VGLL4: variants seen among roughly 807,000 people sequenced by gnomAD.
VGLL4 encodes the protein vestigial like family member 4.
A neutral mutation model predicts 21.0 loss-of-function variants in VGLL4; 7 were observed. The observed-to-expected ratio is 0.33, with a 90% CI of 0.19 to 0.63. The LOEUF is 0.63. VGLL4 is among the 20% of genes least tolerant of loss of function. VGLL4 has a pLI of 0.78. For missense variants in VGLL4, 394 were observed against 425.7 expected (o/e 0.93, Z 0.66); for synonymous variants, 222 against 173.2 (o/e 1.28, Z -2.21).
chr3:11,684,621 T>C (rs1383188030), intron 2 of VGLL4, among the ~76,000 whole-genome samples: 2 of 152,212 alleles, frequency 1.3e-5, no homozygotes, highest in South Asian at 4.1e-4. Flanking sequence ...GCTCAAGCTA[T>C]TGGACCACCT....
At chr3:11,567,992 A>G (rs79266989) in intron 2 of VGLL4, among the ~76,000 whole-genome samples, 2,772 of 152,214 alleles carry the variant, frequency 0.018, 84 homozygotes, top group African/African-American at 0.063. Context: ...TGTTTACTCA[A>G]CCAGCGCTAG....
At chr3:11,649,564 A>T (rs751951450) in intron 2 of VGLL4, among the ~76,000 whole-genome samples, 5 of 152,262 alleles carry the variant, frequency 3.3e-5, no homozygotes, top group Admixed American at 6.5e-5. Flanking sequence ...GGATATGTAT[A>T]TCTTATTATA....
intron 2 of VGLL4, among the ~76,000 whole-genome samples, chr3:11,674,385 G>A (rs934964790): frequency 1.3e-5 from 2 of 152,188 alleles, no homozygotes; most frequent in African/African-American, 2.4e-5. Context: ...AGAGAGCCAA[G>A]ACACAATCCC....
chr3:11,714,568 AC>A (rs2076893345), intron 1 of VGLL4, among the ~76,000 whole-genome samples: 1 of 147,456 alleles, frequency 6.8e-6, no homozygotes, highest in African/African-American at 2.6e-5. Flanking sequence ...AAATAAAAAT[AC>A]AAAAAAAAAA....
intron 2 of VGLL4, among the ~76,000 whole-genome samples, chr3:11,599,078 C>A (rs535195222): frequency 7.9e-5 from 12 of 152,136 alleles, no homozygotes; most frequent in Non-Finnish European, 1.5e-4. Flanking sequence ...TACCCTACAA[C>A]ACGAAGAAGT....
upstream of VGLL4, among the ~76,000 whole-genome samples, chr3:11,720,927 C>T (rs376535115): frequency 2.2e-4 from 34 of 152,336 alleles, no homozygotes; most frequent in East Asian, 3.1e-3. Context: ...ACCCGCCCCC[C>T]GCCATCCCCA....
At position 11,562,583 on chromosome 3, in the gene VGLL4, G is replaced by A. The variant is rs146110388; in HGVS notation, c.495+2214C>T. On this transcript the variant is annotated intron_variant, in intron 3 of 4. Coordinates refer to ENST00000430365, the MANE Select transcript of VGLL4 (RefSeq NM_001128219.3). ...TCGGAGCTGCTGGAGCACAGGCAACGTGGCTGCTTGGTGTCCTCAGCAGGG... is the reference window on the plus strand; with the variant it reads ...TCGGAGCTGCTGGAGCACAGGCAACATGGCTGCTTGGTGTCCTCAGCAGGG... Among the ~76,000 whole-genome samples, 6 of 152,360 alleles carry A rather than the reference G, an allele frequency of 3.9e-5. No homozygotes were observed. The East Asian group carries it at 7.7e-4, about 20-fold the overall frequency.
chr3:11,562,340 T>C (rs913692769), intron 3 of VGLL4, among the ~76,000 whole-genome samples: 1 of 152,134 alleles, frequency 6.6e-6, no homozygotes, highest in Non-Finnish European at 1.5e-5. Flanking sequence ...TACATGCCCC[T>C]CTGGGAACTT....
chr3:11,631,746 C>CTA (rs1332064853), intron 1 of VGLL4, among the ~76,000 whole-genome samples: 1 of 152,124 alleles, frequency 6.6e-6, no homozygotes, highest in African/African-American at 2.4e-5. Context: ...ATTTACAAAG[C>CTA]TATACCCTTA....
At chr3:11,687,994 C>T (rs889767286) in intron 2 of VGLL4, among the ~76,000 whole-genome samples, 6 of 152,026 alleles carry the variant, frequency 3.9e-5, no homozygotes, top group African/African-American at 1.4e-4. Flanking sequence ...GTTTTTATCA[C>T]AAATAGGTGC....
At position 11,556,639 on chromosome 3, in the gene VGLL4, A is replaced by C. The variant is rs563302500; in HGVS notation, c.*1917T>G. 10 of 152,780 alleles carry C rather than the reference A, an allele frequency of 6.5e-5. No homozygotes were observed. In the East Asian group the frequency reaches 1.9e-3, roughly 29 times the overall value. The allele number at this position is 152,780 out of a possible 1,614,324, so 9.5% of individuals were successfully genotyped here. ...CTTTTTTTTTCCGAACAACAAAAAAAATGAATGATTACAATAGGAAAGGGA... is the reference window on the plus strand; with the variant it reads ...CTTTTTTTTTCCGAACAACAAAAAACATGAATGATTACAATAGGAAAGGGA... On this transcript the variant is annotated 3_prime_UTR_variant, in exon 5 of 5. Transcript: ENST00000430365.
At chr3:11,675,196 G>C (rs2125373180) in intron 2 of VGLL4, among the ~76,000 whole-genome samples, 1 of 152,146 alleles carries the variant, frequency 6.6e-6, no homozygotes, top group Admixed American at 6.5e-5. Flanking sequence ...ACAAAAATTA[G>C]CCAGTCGTAG....
chr3:11,665,526 C>G (rs931973780), intron 2 of VGLL4, among the ~76,000 whole-genome samples: 4 of 152,218 alleles, frequency 2.6e-5, no homozygotes, highest in African/African-American at 9.6e-5. Context: ...CAGCCTGAGG[C>G]TGAGTGACTC....
In VGLL4 at chr3:11,676,457, T is replaced by C. The variant is rs1489168971; in HGVS notation, c.64+26514A>G. Reference sequence around the variant, plus strand: ...AATAATAATAATTTTACAACACCTATAGGCTATTGATCTGAGTTAATAATT... The same window carrying C: ...AATAATAATAATTTTACAACACCTACAGGCTATTGATCTGAGTTAATAATT... On this transcript the variant is annotated intron_variant, in intron 2 of 5. Transcript: ENST00000273038. Among the ~76,000 whole-genome samples, 3 of 150,874 alleles carry C rather than the reference T, an allele frequency of 2.0e-5. No homozygotes were observed. In the East Asian group the frequency reaches 5.8e-4, roughly 29 times the overall value.
chr3:11,596,947 G>A (rs956502493), intron 2 of VGLL4, among the ~76,000 whole-genome samples: 1 of 152,104 alleles, frequency 6.6e-6, no homozygotes, highest in Non-Finnish European at 1.5e-5. Context: ...GGAGTCCCCT[G>A]GAAAAACGGC....
intron 1 of VGLL4, among the ~76,000 whole-genome samples, chr3:11,626,040 G>T (rs1414996443): frequency 6.6e-6 from 1 of 152,156 alleles, no homozygotes; most frequent in Non-Finnish European, 1.5e-5. Flanking sequence ...GAATGGCATG[G>T]TGTACGAATT....
chr3:11,641,071 C>T (rs550035630), intron 1 of VGLL4, among the ~76,000 whole-genome samples: 1 of 145,338 alleles, frequency 6.9e-6, no homozygotes, highest in African/African-American at 2.6e-5. Flanking sequence ...GAGCCAAGAT[C>T]GCGCCATTGC....
At chr3:11,596,221 G>A (rs114764929) in intron 2 of VGLL4, among the ~76,000 whole-genome samples, 138 of 152,174 alleles carry the variant, frequency 9.1e-4, no homozygotes, top group African/African-American at 3.2e-3. Flanking sequence ...AATTTGAAAG[G>A]ATGGAAAAAG....
At chr3:11,624,710 G>C (rs915004372) in intron 1 of VGLL4, among the ~76,000 whole-genome samples, 3 of 152,016 alleles carry the variant, frequency 2.0e-5, no homozygotes, top group Non-Finnish European at 4.4e-5. Context: ...CAAAAGCTTT[G>C]AATTAGGCTT....
Sources: allele counts gnomAD v4.1 joint callset (sites outside exome capture counted in the v4.1 genomes callset), GRCh38; gene constraint gnomAD v4.1.1; transcripts MANE v1.5; gene names NCBI Gene and HGNC (gene_info 2026-07-23, HGNC 2026-07-21).